CEP44: variants seen among roughly 807,000 people sequenced by gnomAD.
The protein encoded by CEP44 is centrosomal protein of 44 kDa.
CEP44 carries 45 observed loss-of-function variants against 46.7 expected under a neutral mutation model. That is an observed-to-expected ratio of 0.96 (90% confidence interval 0.76 to 1.24). The LOEUF is 1.24. CEP44 is among the 50% of genes most tolerant of loss of function. CEP44 has a pLI of 0.00. For synonymous variants in CEP44, 142 were observed against 146.0 expected (o/e 0.97, Z 0.20); for missense variants, 475 against 459.7 (o/e 1.03, Z -0.30).
Position 174,319,799 on chromosome 4 carries a change from T to A in CEP44, c.*2416T>A. Reference sequence around the variant, plus strand: ...GTCTTTATCTAGACAACATAATTTTTGGAAAAATAAAGCAAATTCAACTTT... The same window carrying A: ...GTCTTTATCTAGACAACATAATTTTAGGAAAAATAAAGCAAATTCAACTTT... On this transcript the variant is annotated 3_prime_UTR_variant, in exon 12 of 12. Coordinates refer to ENST00000503780, the MANE Select transcript of CEP44 (RefSeq NM_001040157.3). 1.0e-6 allele frequency: 1 copy of A among 966,232 alleles called. No individual in the cohort carries two copies. The allele number at this position is 966,232 out of a possible 1,614,324, so 59.9% of individuals were successfully genotyped here.
rs762983158 is a variant in CEP44 at position 174,331,394 on chromosome 4, A to G, written c.1087-88A>G. On this transcript the variant is annotated intron_variant, in intron 8 of 8. Transcript: ENST00000426172. This position sits in a 1 kb window ranked among gnomAD's most constrained non-coding sequence, Gnocchi z 4.5. ...TGGAAGAGGAGGAAATATTAATAGC[A>G]CTCTGACACTGCTCTAATTCCTATC... 1.3e-5 allele frequency: 17 copies of G among 1,354,110 alleles called. No homozygotes were observed. The highest frequency in any genetic ancestry group is 1.7e-5 in the Non-Finnish European group (17 of 1,009,488). 83.9% of individuals were successfully genotyped at this position (1,354,110 alleles called of 1,614,324 possible).
chr4:174,307,601 A>C (rs1417481318), intron 6 of CEP44, among the ~76,000 whole-genome samples: 1 of 152,244 alleles, frequency 6.6e-6, no homozygotes, highest in Non-Finnish European at 1.5e-5. Context: ...CAAAAGCAAA[A>C]GTTGATAAAT....
At chr4:174,332,482 C>T (rs1313549187) in exon 9 of CEP44, 1 of 152,180 alleles carries the variant, frequency 6.6e-6, no homozygotes, top group Admixed American at 6.5e-5. Flanking sequence ...TGGCTTTATT[C>T]ATTGCATTTA....
chr4:174,298,262 G>T (rs1231007609), intron 2 of CEP44, among the ~76,000 whole-genome samples, 200 bp downstream of exon 2: 1 of 130,202 alleles, frequency 7.7e-6, no homozygotes, highest in Non-Finnish European at 1.6e-5. Context: ...TGCAAGCTCC[G>T]CCTCCCGGGT....
At chr4:174,307,718 A>C (rs1303421912) in intron 6 of CEP44, among the ~76,000 whole-genome samples, 1 of 152,154 alleles carries the variant, frequency 6.6e-6, no homozygotes, top group Non-Finnish European at 1.5e-5. Flanking sequence ...TGTATCTGAC[A>C]AAGGCCTAAT....
At chr4:174,304,792 C>G (rs1002017571) in intron 6 of CEP44, among the ~76,000 whole-genome samples, 1 of 151,510 alleles carries the variant, frequency 6.6e-6, no homozygotes. Flanking sequence ...ATGAATTATC[C>G]AATAATTGGT....
At chr4:174,321,588 TA>T (rs1436004326), downstream of CEP44, among the ~76,000 whole-genome samples, 1 of 152,170 alleles carries the variant, frequency 6.6e-6, no homozygotes, top group Non-Finnish European at 1.5e-5. Context: ...CCTAGTTTTT[TA>T]CTTTTAATTA....
In CEP44 at chr4:174,310,497, A is replaced by G. The variant is rs1210836586; in HGVS notation, c.886-286A>G. Among the ~76,000 whole-genome samples, 1 of 151,808 alleles carries G rather than the reference A, an allele frequency of 6.6e-6. No individual in the cohort carries two copies. The highest frequency in any genetic ancestry group is 2.1e-4 in the South Asian group (1 of 4,832). The stretch of plus-strand genomic sequence containing the variant: ...TCATAGAATAGTTACCAGATTTACC[A>G]TTGCCTTATCAAATCTGAGAAATTT... On this transcript the variant is annotated intron_variant, in intron 8 of 11. Transcript: ENST00000503780. The surrounding 1 kb of genome is among the most constrained non-coding windows in gnomAD (Gnocchi z 4.2).
intron 6 of CEP44, 76 bp downstream of exon 6, chr4:174,304,445 G>A (rs1740149249): frequency 6.5e-7 from 1 of 1,534,770 alleles, no homozygotes. Flanking sequence ...TCACTTTTCT[G>A]ATTGGCACCT....
At chr4:174,285,989 A>G (rs1737548328) in intron 1 of CEP44, among the ~76,000 whole-genome samples, 1 of 152,166 alleles carries the variant, frequency 6.6e-6, no homozygotes, top group Non-Finnish European at 1.5e-5. Flanking sequence ...CTCTTTTTCT[A>G]GTTATCTCCC....
At chr4:174,328,989 C>T (rs138490806) in intron 8 of CEP44, among the ~76,000 whole-genome samples, 2 of 152,118 alleles carry the variant, frequency 1.3e-5, no homozygotes, top group African/African-American at 4.8e-5. Context: ...TTCTGTCACC[C>T]AGGCAGGAGT....
rs70947423 is a variant in CEP44, at chr4:174,297,651, A to AGTGTGTGTGTGTGTGT, written c.-147-296_-147-281dup. On this transcript the variant is annotated intron_variant, in intron 1 of 11. Coordinates refer to ENST00000503780, the MANE Select transcript of CEP44 (RefSeq NM_001040157.3). This position sits in a 1 kb window ranked among gnomAD's most constrained non-coding sequence, Gnocchi z 4.3. Reference sequence around the variant, plus strand: ...CTGAGATATAGGAAGAAACTTTATTAGTGTGTGTGTGTGTGTGTGTGTGTG... The same window carrying AGTGTGTGTGTGTGTGT: ...CTGAGATATAGGAAGAAACTTTATTAGTGTGTGTGTGTGTGTGTGTGTGTGTGTGTGTGTGTGTGTG... Among the ~76,000 whole-genome samples, 4 of 148,954 alleles carry AGTGTGTGTGTGTGTGT rather than the reference A, an allele frequency of 2.7e-5. No individual in the cohort carries two copies. Among genetic ancestry groups the AGTGTGTGTGTGTGTGT allele is most frequent in the African/African-American group, 7.4e-5 (3 of 40,304 alleles).
chr4:174,293,422 G>A (rs1738467275), intron 1 of CEP44, among the ~76,000 whole-genome samples: 1 of 152,170 alleles, frequency 6.6e-6, no homozygotes, highest in African/African-American at 2.4e-5. Context: ...TTTCTGTGAA[G>A]GACAAGGGCT....
chr4:174,295,564 C>G (rs571316064), intron 1 of CEP44, among the ~76,000 whole-genome samples: 111 of 151,922 alleles, frequency 7.3e-4, no homozygotes, highest in Non-Finnish European at 9.4e-4. Context: ...GGCAGAGACG[C>G]TCCTCACTTC....
chr4:174,321,884 G>T (rs908567568), downstream of CEP44, among the ~76,000 whole-genome samples: 2 of 152,128 alleles, frequency 1.3e-5, no homozygotes, highest in African/African-American at 4.8e-5. Context: ...TGAATTAGGT[G>T]CAAAGAGAGC....
In CEP44 at chr4:174,314,028, C is replaced by T. The variant is rs916258098; in HGVS notation, c.962-2138C>T. The stretch of plus-strand genomic sequence containing the variant: ...TTACAAATTATTAAATGGTAAAGGA[C>T]CCTACTGATTCCCTTCGTGGAATAA... On this transcript the variant is annotated intron_variant, in intron 9 of 11. Coordinates refer to ENST00000503780, the MANE Select transcript of CEP44 (RefSeq NM_001040157.3). The surrounding 1 kb of genome is among the most constrained non-coding windows in gnomAD (Gnocchi z 4.1). Among the ~76,000 whole-genome samples the T allele has an allele frequency of 1.3e-5, 2 of 152,104 alleles. No individual in the cohort carries two copies. Among genetic ancestry groups the T allele is most frequent in the Admixed American group, 6.5e-5 (1 of 15,274 alleles).
intron 8 of CEP44, among the ~76,000 whole-genome samples, chr4:174,327,823 G>GA (rs1731063768): frequency 6.6e-6 from 1 of 152,022 alleles, no homozygotes; most frequent in South Asian, 2.1e-4. Context: ...ACATAAATGT[G>GA]AAAAGAGAAA....
downstream of CEP44, among the ~76,000 whole-genome samples, chr4:174,320,978 TGTA>T (rs1458023493): frequency 6.6e-6 from 1 of 151,956 alleles, no homozygotes; most frequent in Non-Finnish European, 1.5e-5. Flanking sequence ...TTGGAGCAAA[TGTA>T]GTACTTCCAG....
At chr4:174,289,804 T>C (rs1346192882) in intron 1 of CEP44, among the ~76,000 whole-genome samples, 1 of 152,022 alleles carries the variant, frequency 6.6e-6, no homozygotes, top group Non-Finnish European at 1.5e-5. Context: ...TTCTAGTTCC[T>C]TGAGGTGTAA....
Sources: gnomAD v4.1 joint callset for allele counts (sites outside exome capture counted in the v4.1 genomes callset) on GRCh38, gnomAD v4.1.1 for gene constraint, Gnocchi (gnomAD v3.1) non-coding constraint, MANE v1.5 for transcripts, NCBI Gene and HGNC (gene_info 2026-07-23, HGNC 2026-07-21) for gene names.